The following PTPN3 variants were observed in gnomAD, a reference collection of about 807,000 sequenced individuals.
PTPN3 encodes tyrosine-protein phosphatase non-receptor type 3.
Under a neutral mutation model 132.7 loss-of-function variants are expected in PTPN3, and 96 were observed. The ratio of observed to expected loss-of-function variants is 0.72; its 90% CI spans 0.61 to 0.86. The LOEUF (loss-of-function observed/expected upper bound fraction) is 0.86, where lower values mean the gene tolerates loss of function less well. Among genes scored for constraint, PTPN3 ranks in the 40% least tolerant of loss-of-function variants. The pLI is 0.00. For missense variants in PTPN3, 1,125 were observed against 1,159.6 expected (o/e 0.97, Z 0.43); for synonymous variants, 398 against 429.0 (o/e 0.93, Z 0.89).
intron 1 of PTPN3, among the ~76,000 whole-genome samples, chr9:109,479,734 C>T (rs1334598043): frequency 6.6e-6 from 1 of 152,164 alleles, no homozygotes; most frequent in African/African-American, 2.4e-5. Flanking sequence ...TGTGTGCCAC[C>T]ACGCCCAGCT....
chr9:109,408,781 TAAAA>T lies in PTPN3; in HGVS notation c.1579-408_1579-405del, dbSNP rs768982568. Among the ~76,000 whole-genome samples the T allele has an allele frequency of 4.5e-3, 277 of 62,098 alleles. 2 individuals carry two copies. Among genetic ancestry groups the T allele is most frequent in the African/African-American group, 0.01 (214 of 21,382 alleles). 40.7% of individuals were successfully genotyped at this position (62,098 alleles called of 152,430 possible). A position where few individuals can be genotyped will look rare whatever the true frequency, so the allele number is the denominator to read the frequency against. ...CATGTACCCTAGAACTTATAATAAT[TAAAA>T]AAAAAAAAAAAATATATATATATAT... On this transcript the variant is annotated intron_variant, in intron 16 of 25. Coordinates refer to ENST00000374541, the MANE Select transcript of PTPN3 (RefSeq NM_002829.4).
At position 109,414,701 on chromosome 9, in the gene PTPN3, T is replaced by C. The variant is rs76558817; in HGVS notation, c.1314-4286A>G. 8.8e-3 allele frequency among the ~76,000 whole-genome samples: 1,340 copies of C among 152,268 alleles called. 20 individuals carry two copies. Among genetic ancestry groups the C allele is most frequent in the African/African-American group, 0.03 (1,247 of 41,546 alleles). Reference sequence around the variant, plus strand: ...TGGAACAACAGATCATGAATCTGTCTAGGCTTCCCCTATAGATATCAGACA... The same window carrying C: ...TGGAACAACAGATCATGAATCTGTCCAGGCTTCCCCTATAGATATCAGACA... On this transcript the variant is annotated intron_variant, in intron 14 of 25. Transcript: ENST00000374541.
At chr9:109,480,541 A>G (rs1046166694) in intron 1 of PTPN3, among the ~76,000 whole-genome samples, 1 of 152,264 alleles carries the variant, frequency 6.6e-6, no homozygotes, top group Non-Finnish European at 1.5e-5. Flanking sequence ...ATTTTCATGA[A>G]GTCCCAATTT....
At chr9:109,496,183 A>G (rs982477111) in intron 1 of PTPN3, among the ~76,000 whole-genome samples, 2 of 152,218 alleles carry the variant, frequency 1.3e-5, no homozygotes, top group Non-Finnish European at 2.9e-5. Context: ...TTCTACTCTA[A>G]TTCTCTGCAA....
chr9:109,443,415 T>C (rs769358814), intron 7 of PTPN3, among the ~76,000 whole-genome samples: 1 of 152,120 alleles, frequency 6.6e-6, no homozygotes, highest in Non-Finnish European at 1.5e-5. Flanking sequence ...CCTACTATAA[T>C]ACCCAGGCTG....
intron 19 of PTPN3, among the ~76,000 whole-genome samples, chr9:109,396,936 C>T (rs1250411990): frequency 2.0e-5 from 3 of 152,222 alleles, no homozygotes; most frequent in Non-Finnish European, 2.9e-5. Context: ...GCTTCACACC[C>T]CCAACTGGCT....
chr9:109,449,874 A>G (rs1564453528), intron 5 of PTPN3: 11 of 985,428 alleles, frequency 1.1e-5, no homozygotes, highest in Non-Finnish European at 1.2e-5. Flanking sequence ...TGAGATGGGA[A>G]TGCTTCAAAC....
Position 109,485,145 on chromosome 9 carries a change from C to G in PTPN3, c.-18+13074G>C, listed in dbSNP as rs1033549390. Among the ~76,000 whole-genome samples, 6 of 152,186 alleles carry G rather than the reference C, an allele frequency of 3.9e-5. No individual in the cohort carries two copies. The East Asian group carries it at 9.6e-4, about 24-fold the overall frequency. ...TTGGGAGGCTGAGGTGGGCAGATCG[C>G]TTGAACCTGGGAGATGGAGGTTGCA... is the stretch of plus-strand genomic sequence containing the variant. On this transcript the variant is annotated intron_variant, in intron 1 of 25. Coordinates refer to ENST00000374541, the MANE Select transcript of PTPN3 (RefSeq NM_002829.4).
At position 109,381,710 on chromosome 9, in the gene PTPN3, T is replaced by G; in HGVS notation, c.2606A>C (p.Tyr869Ser). 1 of 1,614,142 alleles carries G rather than the reference T, an allele frequency of 6.2e-7. No individual in the cohort carries two copies. Among genetic ancestry groups the G allele is most frequent in the Non-Finnish European group, 8.5e-7 (1 of 1,179,970 alleles). ...CATTTTTCGGACAATATCCAGTGGG[T>G]AAATGGGCAGGTTCCTCTCAGTTAG... ...MCLTERNLPIYPLDIVRKMRD... is the reference protein window; with the variant it reads ...MCLTERNLPISPLDIVRKMRD... Residue 869 changes from tyrosine to serine, a missense_variant, in exon 25 of 26, where the codon TAC becomes TCC. Tyr to Ser is a moderately radical substitution (Grantham distance 144). Coordinates refer to ENST00000374541, the MANE Select transcript of PTPN3 (RefSeq NM_002829.4).
chr9:109,478,120 G>A lies in PTPN3; in HGVS notation c.-17-14669C>T, dbSNP rs570943318. Reference sequence around the variant, plus strand: ...CTCAGGTAGCAAGAAATAACCCTGGGTGGCTGTGAAAAAGGGGGATCTGAC... The same window carrying A: ...CTCAGGTAGCAAGAAATAACCCTGGATGGCTGTGAAAAAGGGGGATCTGAC... On this transcript the variant is annotated intron_variant, in intron 1 of 25. Transcript: ENST00000374541. 2.0e-5 allele frequency among the ~76,000 whole-genome samples: 3 copies of A among 152,248 alleles called. No individual in the cohort carries two copies. The South Asian group carries it at 6.2e-4, about 32-fold the overall frequency.
At chr9:109,435,164 A>G (rs913171096) in intron 9 of PTPN3, among the ~76,000 whole-genome samples, 1 of 152,208 alleles carries the variant, frequency 6.6e-6, no homozygotes, top group Admixed American at 6.5e-5. Flanking sequence ...TGGGTGGGCC[A>G]AAGACCAGGT....
chr9:109,456,153 CGT>C (rs1023442516), intron 4 of PTPN3, among the ~76,000 whole-genome samples: 17 of 152,198 alleles, frequency 1.1e-4, no homozygotes, highest in Admixed American at 2.0e-4. Flanking sequence ...GGCAGGTGTG[CGT>C]GTGTGTGTTG....
At chr9:109,508,100 A>G in the PTPN3 span, among the ~76,000 whole-genome samples, 1 of 152,000 alleles carries the variant, frequency 6.6e-6, no homozygotes, top group South Asian at 2.1e-4. Context: ...TTCCCCGATT[A>G]TCTCCACTGG....
chr9:109,503,915 A>G, the PTPN3 span, among the ~76,000 whole-genome samples: 5 of 152,202 alleles, frequency 3.3e-5, no homozygotes, highest in African/African-American at 1.2e-4. Flanking sequence ...ATCTGTGAAC[A>G]AAACAAAAAT....
At chr9:109,422,688 A>T in intron 13 of PTPN3, 30 bp downstream of exon 13, 1 of 1,522,314 alleles carries the variant, frequency 6.6e-7, no homozygotes, top group Non-Finnish European at 8.9e-7. Context: ...ACTGTTGGGT[A>T]GTACAAAAAA....
chr9:109,478,782 A>G (rs2132095077), intron 1 of PTPN3, among the ~76,000 whole-genome samples: 1 of 152,344 alleles, frequency 6.6e-6, no homozygotes, highest in Non-Finnish European at 1.5e-5. Context: ...AGCAACTCCC[A>G]TGACCCAGGA....
At chr9:109,446,189 G>A (rs957718694) in intron 6 of PTPN3, among the ~76,000 whole-genome samples, 17 of 152,150 alleles carry the variant, frequency 1.1e-4, no homozygotes, top group Admixed American at 3.3e-4. Flanking sequence ...TCTGATAAAC[G>A]GAGGAATCCT....
chr9:109,489,466 C>G (rs558464104), intron 1 of PTPN3, among the ~76,000 whole-genome samples: 225 of 152,294 alleles, frequency 1.5e-3, no homozygotes, highest in Non-Finnish European at 2.7e-3. Flanking sequence ...TGATCTCAAC[C>G]TCGAAGTCAC....
the PTPN3 span, among the ~76,000 whole-genome samples, chr9:109,524,646 G>A: frequency 2.0e-5 from 3 of 152,238 alleles, no homozygotes; most frequent in Non-Finnish European, 4.4e-5. Context: ...AAAGCCTTGA[G>A]AATATTTGCT....
Sources: gnomAD v4.1 joint callset for allele counts (sites outside exome capture counted in the v4.1 genomes callset) on GRCh38, gnomAD v4.1.1 for gene constraint, MANE v1.5 for transcripts, NCBI Gene and HGNC (gene_info 2026-07-23, HGNC 2026-07-21) for gene names.